The following ADAMTS18 variants were observed in gnomAD, a reference collection of about 807,000 sequenced individuals.
ADAMTS18 encodes ADAM metallopeptidase with thrombospondin type 1 motif 18.
In ADAMTS18, 157 loss-of-function variants were observed where a neutral mutation model predicts 165.9. The observed-to-expected ratio is 0.95, with a 90% CI of 0.83 to 1.08. The LOEUF (loss-of-function observed/expected upper bound fraction) is 1.08. ADAMTS18 is among the 50% of genes least tolerant of loss of function. The pLI is 0.00. For synonymous variants in ADAMTS18, 782 were observed against 578.2 expected (o/e 1.35, Z -5.06); for missense variants, 2,040 against 1,534.0 (o/e 1.33, Z -5.51).
intron 13 of ADAMTS18, among the ~76,000 whole-genome samples, chr16:77,324,432 T>C (rs987948573): frequency 1.3e-5 from 2 of 152,226 alleles, no homozygotes; most frequent in Admixed American, 6.5e-5. Context: ...TATTTACTTA[T>C]TCATTCATTT....
chr16:77,365,063 C>G (rs1444908990), intron 4 of ADAMTS18, among the ~76,000 whole-genome samples: 1 of 152,036 alleles, frequency 6.6e-6, no homozygotes, highest in Non-Finnish European at 1.5e-5. Flanking sequence ...CCAAGATCAC[C>G]CCACTGCAGT....
chr16:77,395,830 T>C (rs1445602906), intron 3 of ADAMTS18, among the ~76,000 whole-genome samples: 1 of 152,170 alleles, frequency 6.6e-6, no homozygotes, highest in Non-Finnish European at 1.5e-5. Context: ...AGCCTTTTGG[T>C]ATTTTTAGGT....
chr16:77,373,306 C>G (rs1186395621), intron 3 of ADAMTS18, among the ~76,000 whole-genome samples: 1 of 151,850 alleles, frequency 6.6e-6, no homozygotes, highest in African/African-American at 2.4e-5. Context: ...AACCCTGTCT[C>G]TACTAAAAAT....
chr16:77,284,944 G>A (rs2055219553), intron 22 of ADAMTS18, among the ~76,000 whole-genome samples: 1 of 151,018 alleles, frequency 6.6e-6, no homozygotes, highest in Non-Finnish European at 1.5e-5. Flanking sequence ...AAAAAGCCGG[G>A]TCTCCAACAG....
At chr16:77,372,427 C>A (rs529933438) in intron 3 of ADAMTS18, among the ~76,000 whole-genome samples, 3 of 152,158 alleles carry the variant, frequency 2.0e-5, no homozygotes, top group Non-Finnish European at 4.4e-5. Flanking sequence ...TACTATCCAG[C>A]CATTAAGATC....
intron 22 of ADAMTS18, among the ~76,000 whole-genome samples, chr16:77,284,974 A>G (rs544014127): frequency 7.9e-5 from 12 of 152,324 alleles, no homozygotes; most frequent in Non-Finnish European, 1.3e-4. Flanking sequence ...GTTTAAGTCA[A>G]TCTCAACCAG....
chr16:77,376,891 T>A (rs1310873308), intron 3 of ADAMTS18, among the ~76,000 whole-genome samples: 1 of 145,758 alleles, frequency 6.9e-6, no homozygotes, highest in East Asian at 2.1e-4. Context: ...CTCAGCTCAC[T>A]GAAACCTCTA....
chr16:77,335,881 T>A lies in ADAMTS18; in HGVS notation c.1734A>T (p.Val578=). The part of the protein sequence containing the change: ...LSMWCRQGQC[V]KFGELGPRPI... Reference sequence around the variant, plus strand: ...GCCGGGGCCCGAGCTCCCCAAACTTTACGCACTGGCCTTGCCGACACCACT... The same window carrying A: ...GCCGGGGCCCGAGCTCCCCAAACTTAACGCACTGGCCTTGCCGACACCACT... Residue 578 remains valine, a synonymous_variant, in exon 12 of 23, where the codon GTA becomes GTT. Transcript: ENST00000282849. The A allele has an allele frequency of 6.2e-7, 1 of 1,614,182 alleles. No homozygotes were observed. Among genetic ancestry groups the A allele is most frequent in the Non-Finnish European group, 8.5e-7 (1 of 1,180,032 alleles).
intron 5 of ADAMTS18, 110 bp from the exon 6 acceptor site, chr16:77,363,995 G>A: frequency 4.1e-6 from 5 of 1,223,230 alleles, no homozygotes; most frequent in Non-Finnish European, 4.7e-6. Flanking sequence ...CCAAATATAT[G>A]TACATATAAA....
intron 3 of ADAMTS18, among the ~76,000 whole-genome samples, chr16:77,423,852 G>C (rs1460449737): frequency 6.6e-6 from 1 of 152,148 alleles, no homozygotes; most frequent in Non-Finnish European, 1.5e-5. Context: ...TGTTCTGACA[G>C]GGTTGAACTT....
At position 77,355,944 on chromosome 16, in the gene ADAMTS18, G is replaced by C; in HGVS notation, c.1456C>G (p.Leu486Val). ...SCSRQYLKKF[L>V]STPQAGCLVD... ...CCAGGATTTAACCTGTCATACCTGA[G>C]GAATTTCTTGAGATACTGGCGGCTG... is the stretch of plus-strand genomic sequence containing the variant. The change falls in exon 9 of 23, where the codon CTC becomes GTC. Residue 486 changes from leucine to valine, a missense_variant. Transcript: ENST00000282849. 6.2e-7 allele frequency: 1 copy of C among 1,614,010 alleles called. No individual in the cohort carries two copies. Among genetic ancestry groups the C allele is most frequent in the Non-Finnish European group, 8.5e-7 (1 of 1,179,918 alleles).
intron 3 of ADAMTS18, among the ~76,000 whole-genome samples, chr16:77,386,831 A>G (rs1382531399): frequency 6.6e-6 from 1 of 152,210 alleles, no homozygotes; most frequent in African/African-American, 2.4e-5. Flanking sequence ...ACATGCAAAT[A>G]TGAGAAAACA....
chr16:77,378,031 T>C (rs1487566769), intron 3 of ADAMTS18, among the ~76,000 whole-genome samples: 3 of 152,136 alleles, frequency 2.0e-5, no homozygotes, highest in African/African-American at 7.2e-5. Context: ...TTTAGGATTT[T>C]ATTCAGCAGC....
chr16:77,392,245 G>A (rs1260878957), intron 3 of ADAMTS18, among the ~76,000 whole-genome samples: 3 of 152,134 alleles, frequency 2.0e-5, no homozygotes, highest in Non-Finnish European at 4.4e-5. Context: ...CCAAGTAGTG[G>A]TGTCACGCTA....
chr16:77,322,226 C>T lies in ADAMTS18; in HGVS notation c.2163+110G>A, dbSNP rs1189968514. Reference sequence around the variant, plus strand: ...AAACACTTTGCTCTTTCGCTCCATGCCACCTGCTCTTCTCCAGACACACAA... The same window carrying T: ...AAACACTTTGCTCTTTCGCTCCATGTCACCTGCTCTTCTCCAGACACACAA... On this transcript the variant is annotated intron_variant, in intron 14 of 22. Coordinates refer to ENST00000282849, the MANE Select transcript of ADAMTS18 (RefSeq NM_199355.4). 15 of 1,366,464 alleles carry T rather than the reference C, an allele frequency of 1.1e-5. No individual in the cohort carries two copies. The Admixed American group carries it at 1.2e-4, about 11-fold the overall frequency. The allele number at this position is 1,366,464 out of a possible 1,614,324, so 84.6% of individuals were successfully genotyped here.
At chr16:77,309,755 A>G (rs2055746107) in intron 16 of ADAMTS18, among the ~76,000 whole-genome samples, 2 of 152,186 alleles carry the variant, frequency 1.3e-5, no homozygotes. Flanking sequence ...CTTGTACTAC[A>G]AAACACCAAG....
chr16:77,309,539 G>A (rs75774618), intron 16 of ADAMTS18, among the ~76,000 whole-genome samples: 35,738 of 151,846 alleles, frequency 0.24, 4,857 homozygotes, highest in East Asian at 0.62. Context: ...TTTTAAAATT[G>A]GACTGGCATG....
intron 3 of ADAMTS18, among the ~76,000 whole-genome samples, chr16:77,394,711 T>C (rs933316672): frequency 1.3e-5 from 2 of 152,224 alleles, no homozygotes; most frequent in African/African-American, 4.8e-5. Context: ...AGAAAGTATT[T>C]AGCATAAAAA....
intron 3 of ADAMTS18, among the ~76,000 whole-genome samples, chr16:77,383,569 A>G (rs1036705280): frequency 2.6e-5 from 4 of 151,846 alleles, no homozygotes; most frequent in African/African-American, 4.8e-5. Context: ...TTGGAGACAG[A>G]GTCTCCCTCT....
Sources: gnomAD v4.1 joint callset for allele counts (sites outside exome capture counted in the v4.1 genomes callset) on GRCh38, gnomAD v4.1.1 for gene constraint, MANE v1.5 for transcripts, NCBI Gene and HGNC (gene_info 2026-07-23, HGNC 2026-07-21) for gene names.